Variants in SYNE1 observed in about 807,000 individuals in gnomAD.
SYNE1 encodes the protein nesprin-1.
A neutral mutation model predicts 1,111.0 loss-of-function variants in SYNE1; 616 were observed. The observed-to-expected ratio is 0.55, with a 90% confidence interval of 0.52 to 0.59. The LOEUF is 0.59. SYNE1 is among the 20% of genes least tolerant of loss of function. The pLI, the probability that SYNE1 is intolerant of heterozygous loss-of-function variation, is 0.00. For synonymous variants in SYNE1, 3,855 were observed against 3,825.8 expected (o/e 1.01, Z -0.28); for missense variants, 10,006 against 10,417.0 (o/e 0.96, Z 1.72).
chr6:152,321,865 A>T lies in SYNE1; in HGVS notation c.15939T>A (p.Thr5313=). The T allele has an allele frequency of 6.2e-7, 1 of 1,614,092 alleles. No homozygotes were observed. The highest frequency in any genetic ancestry group is 8.5e-7 in the Non-Finnish European group (1 of 1,179,982). ...GCTCTTGCTTCACCAACTTTCCATT[A>T]GTCTTCACTTTCTCCTGCATGCTTC... ...RCLNMQEKVK[T]NGKLVKQELK... is the part of the protein sequence containing the mutation. The change falls in exon 83 of 146, where the codon ACT becomes ACA. Residue 5313 remains threonine (T), a synonymous_variant. Coordinates refer to ENST00000367255, the MANE Select transcript of SYNE1 (RefSeq NM_182961.4).
chr6:152,495,442 T>C (rs960806504), intron 11 of SYNE1, among the ~76,000 whole-genome samples: 37 of 152,356 alleles, frequency 2.4e-4, no homozygotes, highest in Admixed American at 7.8e-4. Flanking sequence ...ATCCCTAGTG[T>C]TAGATATGAG....
chr6:152,271,824 G>T (rs1015608513), intron 98 of SYNE1, among the ~76,000 whole-genome samples: 1 of 152,220 alleles, frequency 6.6e-6, no homozygotes, highest in African/African-American at 2.4e-5. Context: ...AGTGGCCCTG[G>T]CCATGACCTG....
At chr6:152,253,809 A>G (rs2089992563) in intron 104 of SYNE1, among the ~76,000 whole-genome samples, 1 of 45,112 alleles carries the variant, frequency 2.2e-5, no homozygotes, top group African/African-American at 5.8e-5. Context: ...ATTTATGTGT[A>G]GTGGTTTGGT....
In SYNE1 at chr6:152,481,739, C is replaced by T. The variant is rs548381135; in HGVS notation, c.1350+1346G>A. 2.6e-5 allele frequency among the ~76,000 whole-genome samples: 4 copies of T among 151,152 alleles called. No homozygotes were observed. The East Asian group carries it at 7.7e-4, about 29-fold the overall frequency. On this transcript the variant is annotated intron_variant, in intron 14 of 145. Coordinates refer to ENST00000367255, the MANE Select transcript of SYNE1 (RefSeq NM_182961.4). ...ATATACTGGGGTGATTCAAAATTGACATGGCCCAGGAAACTGATTCAATCC... is the reference window on the plus strand; with the variant it reads ...ATATACTGGGGTGATTCAAAATTGATATGGCCCAGGAAACTGATTCAATCC...
chr6:152,431,905 A>G (rs1291951288), intron 34 of SYNE1, among the ~76,000 whole-genome samples: 1 of 152,154 alleles, frequency 6.6e-6, no homozygotes, highest in African/African-American at 2.4e-5. Context: ...TATATTTTTT[A>G]GAAAAATTAA....
chr6:152,525,820 T>A (rs577957252), intron 5 of SYNE1, among the ~76,000 whole-genome samples: 9 of 152,354 alleles, frequency 5.9e-5, no homozygotes, highest in African/African-American at 2.2e-4. Flanking sequence ...AAGTTACTGA[T>A]GAAGTTCTTT....
intron 49 of SYNE1, among the ~76,000 whole-genome samples, chr6:152,397,482 TA>T: frequency 6.6e-6 from 1 of 152,200 alleles, no homozygotes; most frequent in African/African-American, 2.4e-5. Context: ...CCCAGAGCTC[TA>T]GAGTGGTATG....
chr6:152,221,865 G>A (rs1256587062), intron 117 of SYNE1, among the ~76,000 whole-genome samples: 1 of 152,136 alleles, frequency 6.6e-6, no homozygotes, highest in Admixed American at 6.5e-5. Flanking sequence ...TGCCAGAGAT[G>A]GTAAATTCCT....
In SYNE1 at chr6:152,255,017, G is replaced by C. The variant is rs768586935; in HGVS notation, c.19333C>G (p.Pro6445Ala). The C allele has an allele frequency of 1.2e-6, 2 of 1,613,454 alleles. No homozygotes were observed. Among genetic ancestry groups the C allele is most frequent in the African/African-American group, 1.3e-5 (1 of 75,004 alleles). The stretch of plus-strand genomic sequence containing the variant: ...ACATCTCGATTATCACCATTCTCTG[G>C]AAAAGCTTGGGAAAACAAGTTTTTG... Reference protein sequence around the residue: ...KNKNLFSQAFPENGDNRDVIE... With the variant: ...KNKNLFSQAFAENGDNRDVIE... The change falls in exon 104 of 146, where the codon CCA becomes GCA. Residue 6445 changes from proline (P) to alanine (A), a missense_variant. Around this residue, in one of 7 missense-constraint regions of SYNE1, gnomAD observed 2,182 missense variants for 2,287.8 expected, o/e 0.95. Transcript: ENST00000367255.
intron 138 of SYNE1, among the ~76,000 whole-genome samples, chr6:152,143,200 A>G (rs1222636240): frequency 6.6e-6 from 1 of 152,212 alleles, no homozygotes; most frequent in African/African-American, 2.4e-5. Flanking sequence ...AACATTCCCA[A>G]GGTCATTCGG....
intron 137 of SYNE1, chr6:152,146,852 T>C (rs2059594474): frequency 6.6e-6 from 1 of 152,330 alleles, no homozygotes; most frequent in Non-Finnish European, 1.5e-5. Context: ...ACACTCTTCC[T>C]GTGGGAGCTC....
intron 58 of SYNE1, among the ~76,000 whole-genome samples, chr6:152,373,452 T>C (rs1270502447): frequency 6.6e-6 from 1 of 152,094 alleles, no homozygotes; most frequent in Admixed American, 6.5e-5. Context: ...GATAATTTTT[T>C]TGTATTTTTA....
At position 152,547,318 on chromosome 6, in the gene SYNE1, A is replaced by G. The variant is rs976608456; in HGVS notation, c.68-7297T>C. On this transcript the variant is annotated intron_variant, in intron 3 of 145. Transcript: ENST00000367255. Reference sequence around the variant, plus strand: ...GGTCTTGCGACCAAATAGGGGAAGGAGATTGGAAGGACACAAAGAGCCTAT... The same window carrying G: ...GGTCTTGCGACCAAATAGGGGAAGGGGATTGGAAGGACACAAAGAGCCTAT... Among the ~76,000 whole-genome samples the G allele has an allele frequency of 7.2e-5, 11 of 152,212 alleles. No homozygotes were observed. In the South Asian group the frequency reaches 1.2e-3, roughly 17 times the overall value.
chr6:152,247,499 GA>G (rs887871183), intron 105 of SYNE1, among the ~76,000 whole-genome samples: 15 of 150,298 alleles, frequency 1.0e-4, no homozygotes, highest in African/African-American at 3.7e-4. Flanking sequence ...TATAAGCCAA[GA>G]AAAAAAACAA....
chr6:152,633,372 A>G (rs1464956137), intron 2 of SYNE1, among the ~76,000 whole-genome samples: 1 of 152,214 alleles, frequency 6.6e-6, no homozygotes, highest in Admixed American at 6.5e-5. Context: ...TTGAGTAGCT[A>G]TTTGTAAGGG....
chr6:152,399,715 G>C lies in SYNE1; in HGVS notation c.7138C>G (p.Arg2380Gly), dbSNP rs1029302917. The change falls in exon 48 of 146, where the codon CGT (arginine) becomes GGT (glycine). Residue 2380 changes from arginine (R) to glycine (G), a missense_variant. This residue lies in a region of SYNE1 where 4,955 missense variants were observed against 5,017.2 expected (regional missense o/e 0.99). Coordinates refer to ENST00000367255, the MANE Select transcript of SYNE1 (RefSeq NM_182961.4). ...YHSAELESLG[R>G]AMTGLIKKHE... Reference sequence around the variant, plus strand: ...TTCTTTATCAGACCAGTCATTGCACGGCCCAGGCTCTCCAACTCAGCTGAG... The same window carrying C: ...TTCTTTATCAGACCAGTCATTGCACCGCCCAGGCTCTCCAACTCAGCTGAG... 1 of 1,613,994 alleles carries C rather than the reference G, an allele frequency of 6.2e-7. No individual in the cohort carries two copies. The highest frequency in any genetic ancestry group is 1.3e-5 in the African/African-American group (1 of 74,902).
chr6:152,398,684 C>T lies in SYNE1; in HGVS notation c.7285G>A (p.Ala2429Thr). The T allele has an allele frequency of 3.1e-6, 5 of 1,613,986 alleles. No homozygotes were observed. The highest frequency in any genetic ancestry group is 4.2e-6 in the Non-Finnish European group (5 of 1,179,892). Residue 2429 changes from alanine (A) to threonine (T), a missense_variant, in exon 49 of 146, where the codon GCA becomes ACA. Ala to Thr is a moderately conservative substitution (Grantham distance 58). Transcript: ENST00000367255. ...QEWFLGAKAA[A>T]KESSDRTGDS... ...CCGGTGCGATCTGATGATTCTTTTG[C>T]TGCTGCCTTTGCTCCCAAAAACCAT... is the stretch of plus-strand genomic sequence containing the variant.
At chr6:152,558,968 T>C (rs2099384791) in intron 3 of SYNE1, among the ~76,000 whole-genome samples, 1 of 149,804 alleles carries the variant, frequency 6.7e-6, no homozygotes, top group South Asian at 2.1e-4. Context: ...AGTCTTAACA[T>C]ATTTAATTTT....
chr6:152,152,180 C>T lies in SYNE1; in HGVS notation c.24130-39G>A, dbSNP rs372326335. On this transcript the variant is annotated intron_variant, in intron 133 of 145. Coordinates refer to ENST00000367255, the MANE Select transcript of SYNE1 (RefSeq NM_182961.4). ...GAAGCATATCAGTGTGAGAAATCAG[C>T]GAAGGACTCTCAGTAGTGGCTCCTG... The T allele has an allele frequency of 1.1e-4, 181 of 1,590,698 alleles. 1 individual carries two copies. Among genetic ancestry groups the T allele is most frequent in the African/African-American group, 6.2e-4 (46 of 74,582 alleles).
Sources: allele counts gnomAD v4.1 joint callset (sites outside exome capture counted in the v4.1 genomes callset), GRCh38; gene constraint gnomAD v4.1.1; regional missense constraint gnomAD v4.1.1; transcripts MANE v1.5; gene names NCBI Gene and HGNC (gene_info 2026-07-23, HGNC 2026-07-21).